The following INVS variants were observed in gnomAD, a reference collection of about 807,000 sequenced individuals.
The protein encoded by INVS is inversin, also known as inversion of embryo turning homolog.
Under a neutral mutation model 108.8 loss-of-function variants are expected in INVS, and 86 were observed. The observed-to-expected ratio is 0.79, with a 90% CI of 0.66 to 0.95. The LOEUF is 0.95. Among genes scored for constraint, INVS ranks in the 40% least tolerant of loss-of-function variants. The pLI, the probability that INVS is intolerant of heterozygous loss-of-function variation, is 0.00. For missense variants in INVS, 1,169 were observed against 1,297.4 expected (o/e 0.90, Z 1.52); for synonymous variants, 455 against 473.5 (o/e 0.96, Z 0.51).
intron 8 of INVS, among the ~76,000 whole-genome samples, chr9:100,249,414 AT>A (rs1188485353): frequency 1.3e-5 from 2 of 152,214 alleles, no homozygotes; most frequent in Non-Finnish European, 2.9e-5. Flanking sequence ...TTTTTAAAAA[AT>A]AAAATTTCAA....
intron 3 of INVS, among the ~76,000 whole-genome samples, chr9:100,209,780 A>G (rs1794577720): frequency 6.6e-6 from 1 of 151,422 alleles, no homozygotes; most frequent in Non-Finnish European, 1.5e-5. Context: ...AAAAAAAAAA[A>G]AAAAAAAAAA....
intron 7 of INVS, among the ~76,000 whole-genome samples, chr9:100,245,773 G>T (rs1832025979): frequency 6.6e-6 from 1 of 152,078 alleles, no homozygotes; most frequent in African/African-American, 2.4e-5. Context: ...TGGATTTAAG[G>T]CAAAAGCAAA....
chr9:100,146,693 CAGTT>C (rs1281225107), intron 3 of INVS, among the ~76,000 whole-genome samples: 1 of 152,022 alleles, frequency 6.6e-6, no homozygotes, highest in East Asian at 1.9e-4. Context: ...GTTTAAAAGA[CAGTT>C]TGTTAGGTGA....
chr9:100,186,298 C>G (rs960518348), intron 3 of INVS, among the ~76,000 whole-genome samples: 7 of 152,040 alleles, frequency 4.6e-5, no homozygotes, highest in African/African-American at 1.7e-4. Context: ...TACAGGCACC[C>G]ACCACCACGC....
chr9:100,237,533 G>GA (rs1030128507), intron 5 of INVS, among the ~76,000 whole-genome samples: 1 of 152,126 alleles, frequency 6.6e-6, no homozygotes, highest in African/African-American at 2.4e-5. Context: ...TAAAAACCGT[G>GA]AAAAAAGTGT....
At chr9:100,293,845 G>C (rs1390995516) in intron 14 of INVS, among the ~76,000 whole-genome samples, 3 of 152,202 alleles carry the variant, frequency 2.0e-5, no homozygotes, top group Non-Finnish European at 4.4e-5. Context: ...TGAATGTCCA[G>C]AGAGAAGCTG....
intron 2 of INVS, among the ~76,000 whole-genome samples, chr9:100,105,850 CTTTTTT>C (rs543070811): frequency 4.5e-4 from 29 of 63,800 alleles, no homozygotes; most frequent in South Asian, 9.7e-4. Flanking sequence ...GAAAAATTCC[CTTTTTT>C]TTTTTTTTTT....
At chr9:100,158,231 T>G (rs1829064534) in intron 3 of INVS, among the ~76,000 whole-genome samples, 1 of 152,234 alleles carries the variant, frequency 6.6e-6, no homozygotes, top group South Asian at 2.1e-4. Flanking sequence ...GGAATTCTAT[T>G]ATCTCTTTTC....
intron 10 of INVS, among the ~76,000 whole-genome samples, chr9:100,253,778 G>A (rs1414186050): frequency 2.6e-5 from 4 of 152,118 alleles, no homozygotes; most frequent in Admixed American, 6.6e-5. Context: ...GTATTCCATG[G>A]TGTATATGTG....
At chr9:100,254,740 T>C (rs761977969) in intron 10 of INVS, among the ~76,000 whole-genome samples, 2 of 152,206 alleles carry the variant, frequency 1.3e-5, no homozygotes, top group Non-Finnish European at 2.9e-5. Flanking sequence ...TGTGTGGTAT[T>C]ATTTCTGAGG....
At chr9:100,268,431 G>A (rs923792506) in intron 11 of INVS, among the ~76,000 whole-genome samples, 1 of 152,054 alleles carries the variant, frequency 6.6e-6, no homozygotes, top group Non-Finnish European at 1.5e-5. Context: ...TTCCCTTAAC[G>A]GTAAACATCT....
intron 6 of INVS, among the ~76,000 whole-genome samples, chr9:100,241,507 C>T (rs1306123477): frequency 6.6e-6 from 1 of 152,120 alleles, no homozygotes; most frequent in East Asian, 1.9e-4. Flanking sequence ...GTCGAGGATA[C>T]CAGTTGCCTG....
intron 13 of INVS, among the ~76,000 whole-genome samples, chr9:100,284,806 A>T (rs541491878): frequency 9.2e-5 from 14 of 152,084 alleles, no homozygotes; most frequent in African/African-American, 2.9e-4. Flanking sequence ...CAGCATTTTT[A>T]AAAATTCTAT....
chr9:100,194,588 G>A (rs1216904719), intron 3 of INVS, among the ~76,000 whole-genome samples: 1 of 150,664 alleles, frequency 6.6e-6, no homozygotes, highest in Non-Finnish European at 1.5e-5. Flanking sequence ...TATTTAACTG[G>A]CTAACACCTC....
chr9:100,185,915 A>G (rs577816377), intron 3 of INVS, among the ~76,000 whole-genome samples: 8 of 152,224 alleles, frequency 5.3e-5, no homozygotes, highest in African/African-American at 1.7e-4. Context: ...GCCATTGTAT[A>G]TATGTTCCAC....
chr9:100,192,248 A>AGTGTGTGTGTGTGT (rs58132596), intron 3 of INVS, among the ~76,000 whole-genome samples: 13 of 144,912 alleles, frequency 9.0e-5, no homozygotes, highest in South Asian at 2.3e-4. Context: ...GGGAAAAAAG[A>AGTGTGTGTGTGTGT]GTGTGTGTGT....
chr9:100,129,255 G>T (rs1827978784), intron 3 of INVS, among the ~76,000 whole-genome samples: 1 of 152,036 alleles, frequency 6.6e-6, no homozygotes, highest in Non-Finnish European at 1.5e-5. Flanking sequence ...GCCAAGGTGG[G>T]TGGATCACTT....
chr9:100,139,748 T>C (rs1284131453), intron 3 of INVS, among the ~76,000 whole-genome samples: 1 of 152,160 alleles, frequency 6.6e-6, no homozygotes. Context: ...ATTCAAGTGA[T>C]CCTCCTGCCT....
chr9:100,209,115 A>C (rs1830758173), intron 3 of INVS, among the ~76,000 whole-genome samples: 1 of 152,172 alleles, frequency 6.6e-6, no homozygotes, highest in Non-Finnish European at 1.5e-5. Flanking sequence ...GGATCCCCTA[A>C]AGCGAACATC....
Sources: allele counts gnomAD v4.1 joint callset (sites outside exome capture counted in the v4.1 genomes callset), GRCh38; gene constraint gnomAD v4.1.1; transcripts MANE v1.5; gene names NCBI Gene and HGNC (gene_info 2026-07-23, HGNC 2026-07-21).